HACE1: variants seen among roughly 807,000 people sequenced by gnomAD.
HACE1 encodes the protein HECT domain and ankyrin repeat containing E3 ubiquitin protein ligase 1.
In HACE1, 73 loss-of-function variants were observed where a neutral mutation model predicts 118.4. The observed-to-expected ratio is 0.62, with a 90% CI of 0.51 to 0.75. The LOEUF is 0.75. Among genes scored for constraint, HACE1 ranks in the 30% least tolerant of loss-of-function variants. The probability of loss-of-function intolerance (pLI) is 0.00; values close to 1 mark genes in which losing one functional copy is unlikely to be tolerated. For synonymous variants in HACE1, 368 were observed against 374.8 expected, an observed-to-expected ratio of 0.98 and a Z score of 0.21; for missense variants, 749 against 1,102.2, an observed-to-expected ratio of 0.68 and a Z score of 4.54.
rs1777125943 is a variant in HACE1, at chr6:104,859,693, C to T, written c.-51G>A. 4.1e-6 allele frequency: 6 copies of T among 1,477,008 alleles called. No individual in the cohort carries two copies. The highest frequency in any genetic ancestry group is 2.9e-5 in the African/African-American group (2 of 69,344). 91.5% of individuals were successfully genotyped at this position (1,477,008 alleles called of 1,614,324 possible). ...CGCGATCAGCCGCCCCACCGGCGGC[C>T]TCCGCGCCCAGAGCCCTACATCTCG... is the stretch of plus-strand genomic sequence containing the variant. On this transcript the variant is annotated 5_prime_UTR_variant, in exon 1 of 24. Transcript: ENST00000262903.
chr6:104,819,965 T>A (rs6917617), intron 6 of HACE1, among the ~76,000 whole-genome samples: 1 of 152,198 alleles, frequency 6.6e-6, no homozygotes, highest in Non-Finnish European at 1.5e-5. Context: ...GGGAGGCCAA[T>A]GCTGGTGGAT....
intron 19 of HACE1, among the ~76,000 whole-genome samples, chr6:104,756,525 A>T (rs969123437): frequency 7.9e-5 from 12 of 151,968 alleles, no homozygotes; most frequent in African/African-American, 2.9e-4. Context: ...CTATTACTTC[A>T]GCTTCCTTGA....
chr6:104,820,615 A>C (rs368123234), intron 6 of HACE1, among the ~76,000 whole-genome samples: 106 of 152,346 alleles, frequency 7.0e-4, no homozygotes, highest in African/African-American at 2.3e-3. Context: ...TCATTAGAGA[A>C]ATGCAAATCA....
At chr6:104,760,524 A>G (rs182632344) in intron 19 of HACE1, among the ~76,000 whole-genome samples, 14 of 152,336 alleles carry the variant, frequency 9.2e-5, no homozygotes, top group African/African-American at 3.4e-4. Flanking sequence ...TCAGTAAACT[A>G]GGAATTGATG....
At chr6:104,785,515 T>A (rs1042321581) in intron 11 of HACE1, 196 bp from the exon 12 acceptor site, 10 of 551,082 alleles carry the variant, frequency 1.8e-5, no homozygotes, top group Non-Finnish European at 2.9e-5. Flanking sequence ...TGACAATTTC[T>A]TCATTTATGG....
intron 19 of HACE1, among the ~76,000 whole-genome samples, chr6:104,756,423 AAAAAT>A (rs1414401458): frequency 0.011 from 1,420 of 130,374 alleles, 23 homozygotes; most frequent in African/African-American, 0.04. Flanking sequence ...AAAAAAAAAA[AAAAAT>A]ATATATATAT....
At chr6:104,851,741 AT>A (rs941648773) in intron 2 of HACE1, among the ~76,000 whole-genome samples, 12 of 132,124 alleles carry the variant, frequency 9.1e-5, no homozygotes, top group South Asian at 2.7e-4. Context: ...AAAAAAAAAA[AT>A]TTTTTTAACT....
intron 17 of HACE1, 67 bp from the exon 18 acceptor site, chr6:104,772,141 G>T: frequency 1.1e-6 from 1 of 870,070 alleles, no homozygotes; most frequent in Non-Finnish European, 1.9e-6. Flanking sequence ...TTACTTCGAT[G>T]CAGATAAACT....
chr6:104,771,066 C>T (rs1201184145), intron 19 of HACE1, 127 bp downstream of exon 19: 10 of 675,376 alleles, frequency 1.5e-5, no homozygotes, highest in Admixed American at 1.0e-4. Flanking sequence ...TTAACTTAAA[C>T]GTTTTATCTG....
intron 1 of HACE1, chr6:104,858,443 G>A (rs1776961139): frequency 2.7e-6 from 1 of 367,838 alleles, no homozygotes; most frequent in Non-Finnish European, 5.4e-6. Flanking sequence ...GCTCACATCT[G>A]TAATCCCAAC....
chr6:104,746,674 T>C (rs1032636962), intron 20 of HACE1, among the ~76,000 whole-genome samples: 5 of 152,204 alleles, frequency 3.3e-5, no homozygotes, highest in African/African-American at 9.6e-5. Context: ...TCTGTGGATG[T>C]CTCACTAGAC....
chr6:104,850,139 G>A (rs2114283561), intron 3 of HACE1, among the ~76,000 whole-genome samples: 1 of 151,974 alleles, frequency 6.6e-6, no homozygotes, highest in Admixed American at 6.6e-5. Context: ...TAGTAGAGAT[G>A]GGGTTTCACC....
At chr6:104,783,027 C>T (rs772451256) in intron 14 of HACE1, among the ~76,000 whole-genome samples, 2 of 152,152 alleles carry the variant, frequency 1.3e-5, no homozygotes, top group Non-Finnish European at 2.9e-5. Flanking sequence ...GAAATCAAGG[C>T]TCATCATTGG....
intron 6 of HACE1, among the ~76,000 whole-genome samples, chr6:104,830,651 T>C (rs1394649234): frequency 6.6e-6 from 1 of 152,138 alleles, no homozygotes; most frequent in African/African-American, 2.4e-5. Context: ...ACTCAGAAAG[T>C]TTGTAACCAA....
intron 19 of HACE1, among the ~76,000 whole-genome samples, chr6:104,762,318 G>C (rs1779445097): frequency 6.6e-6 from 1 of 152,204 alleles, no homozygotes; most frequent in African/African-American, 2.4e-5. Flanking sequence ...ATCAATGATA[G>C]ACTGGATTAA....
At chr6:104,751,705 G>C (rs185618783) in intron 19 of HACE1, among the ~76,000 whole-genome samples, 2 of 152,192 alleles carry the variant, frequency 1.3e-5, no homozygotes, top group East Asian at 3.9e-4. Context: ...ATTATATACA[G>C]AGAGAGAAAG....
chr6:104,776,849 T>C (rs754178269), intron 16 of HACE1, 21 bp from the exon 17 acceptor site: 48 of 1,547,476 alleles, frequency 3.1e-5, no homozygotes, highest in Middle Eastern at 1.7e-4. Context: ...GAAATAAAAT[T>C]AAGCATCAAC....
chr6:104,824,090 C>T (rs374585149), intron 6 of HACE1, among the ~76,000 whole-genome samples: 1 of 152,196 alleles, frequency 6.6e-6, no homozygotes, highest in Non-Finnish European at 1.5e-5. Context: ...ACTTATCCAA[C>T]CCATCCCATT....
intron 1 of HACE1, among the ~76,000 whole-genome samples, chr6:104,852,872 C>A (rs898328115): frequency 1.3e-5 from 2 of 152,010 alleles, no homozygotes; most frequent in African/African-American, 4.8e-5. Flanking sequence ...TAAATATACA[C>A]AATACTGGCT....
Sources: gnomAD v4.1 joint callset for allele counts (sites outside exome capture counted in the v4.1 genomes callset) on GRCh38, gnomAD v4.1.1 for gene constraint, MANE v1.5 for transcripts, NCBI Gene and HGNC (gene_info 2026-07-23, HGNC 2026-07-21) for gene names.